The following NME9 variants were observed in gnomAD, a reference collection of about 807,000 sequenced individuals.
NME9 encodes NME/NM23 family member 9, also known as thioredoxin domain-containing protein 6.
A neutral mutation model predicts 44.4 loss-of-function variants in NME9; 48 were observed. The observed-to-expected ratio is 1.08, with a 90% CI of 0.86 to 1.37. NME9 has a LOEUF of 1.37. Among genes scored for constraint, NME9 ranks in the 40% most tolerant of loss-of-function variants. The pLI, the probability that NME9 is intolerant of heterozygous loss-of-function variation, is 0.00. For missense variants in NME9, 325 were observed against 405.2 expected (o/e 0.80, Z 1.70); for synonymous variants, 139 against 147.1 (o/e 0.94, Z 0.40).
At chr3:138,308,873 C>G (rs146042985) in intron 6 of NME9, among the ~76,000 whole-genome samples, 1 of 144,714 alleles carries the variant, frequency 6.9e-6, no homozygotes, top group African/African-American at 2.6e-5. Flanking sequence ...TCCAATTTAT[C>G]TAGCAACAGG....
rs555409101 is a variant in NME9, at chr3:138,315,822, TTTTG to T, written c.268-183_268-180del. ...ACACCCTCAGGTCTGCTCCTAGGTT[TTTTG>T]TTTGTTTGTTTGTTTGTTTGTTCGA... is the stretch of plus-strand genomic sequence containing the variant. On this transcript the variant is annotated intron_variant, in intron 4 of 10. Transcript: ENST00000333911. Among the ~76,000 whole-genome samples, 1,202 of 152,008 alleles carry T rather than the reference TTTTG, an allele frequency of 7.9e-3. 13 individuals are homozygous for T. Among genetic ancestry groups the T allele is most frequent in the Admixed American group, 0.036 (547 of 15,248 alleles).
intron 8 of NME9, among the ~76,000 whole-genome samples, chr3:138,278,264 T>A (rs377432860): frequency 6.6e-6 from 1 of 152,224 alleles, no homozygotes. Context: ...CCCAGCACTT[T>A]GGGAGGCTGA....
chr3:138,277,859 A>T (rs1302545469), intron 8 of NME9, among the ~76,000 whole-genome samples: 3 of 152,212 alleles, frequency 2.0e-5, no homozygotes, highest in Non-Finnish European at 4.4e-5. Context: ...CAAAAATTAG[A>T]AATTAACATC....
intron 7 of NME9, 95 bp downstream of exon 7, chr3:138,306,303 C>G: frequency 1.0e-6 from 1 of 985,426 alleles, no homozygotes; most frequent in Middle Eastern, 2.1e-4. Flanking sequence ...ATTCATCTTT[C>G]TGCACTAAGA....
rs572583061 is a variant in NME9, at chr3:138,280,307, CTTA to C, written c.746-17724_746-17722del. ...GTTTTTGGTTTCATTGATTTTCCCA[CTTA>C]TTATTATTATTATTATATATATTTT... On this transcript the variant is annotated intron_variant, in intron 8 of 8. Coordinates refer to the NME9 transcript ENST00000317876. Among the ~76,000 whole-genome samples, 4 of 150,430 alleles carry C rather than the reference CTTA, an allele frequency of 2.7e-5. No individual in the cohort carries two copies. In the East Asian group the frequency reaches 7.8e-4, roughly 30 times the overall value.
At chr3:138,315,369 A>G (rs2052997015) in intron 5 of NME9, among the ~76,000 whole-genome samples, 158 bp downstream of exon 5, 1 of 152,220 alleles carries the variant, frequency 6.6e-6, no homozygotes, top group Non-Finnish European at 1.5e-5. Flanking sequence ...CACACATATC[A>G]CCAGGGCACA....
chr3:138,304,747 T>C, intron 9 of NME9, 126 bp downstream of exon 9: 1 of 949,062 alleles, frequency 1.1e-6, no homozygotes, highest in East Asian at 2.4e-5. Flanking sequence ...AAATATATAA[T>C]AGAGAGCCTG....
chr3:138,322,129 G>C (rs2053502677), intron 2 of NME9, among the ~76,000 whole-genome samples: 1 of 152,032 alleles, frequency 6.6e-6, no homozygotes, highest in African/African-American at 2.4e-5. Context: ...AAGGGCATTC[G>C]GGTCAAGCCA....
Position 138,301,498 on chromosome 3 carries a change from C to T in NME9, c.*142G>A. On this transcript the variant is annotated 3_prime_UTR_variant, in exon 11 of 11. Coordinates refer to ENST00000333911, the MANE Select transcript of NME9 (RefSeq NM_001349018.2). ...GGGATTACAGGTGTGAGTCACTGCG[C>T]CCAGCCATATTATTTTCATTGTCTA... The T allele has an allele frequency of 7.0e-7, 1 of 1,435,020 alleles. No homozygotes were observed. The allele number at this position is 1,435,020 out of a possible 1,614,324, so 88.9% of individuals were successfully genotyped here.
At chr3:138,329,197 C>A in intron 1 of NME9, 106 bp downstream of exon 1, 1 of 1,001,702 alleles carries the variant, frequency 1.0e-6, no homozygotes, top group Admixed American at 2.2e-5. Context: ...CTGTCACGTA[C>A]TGCTGGCAAA....
rs775070414 is a variant in NME9, at chr3:138,305,605, G to C, written c.636+399C>G. On this transcript the variant is annotated intron_variant, in intron 8 of 10. Coordinates refer to ENST00000333911, the MANE Select transcript of NME9 (RefSeq NM_001349018.2). ...GCTAAGCCAAGAAGACTCCCAAGCA[G>C]GTGGGTTATCAGCAGAAGCAAATGG... Among the ~76,000 whole-genome samples, 5 of 152,258 alleles carry C rather than the reference G, an allele frequency of 3.3e-5. No homozygotes were observed. In the East Asian group the frequency reaches 9.7e-4, roughly 29 times the overall value.
At chr3:138,287,918 T>C in intron 8 of NME9, 1 of 228,048 alleles carries the variant, frequency 4.4e-6, no homozygotes, top group Non-Finnish European at 8.9e-6. Context: ...TATTGAGTCC[T>C]TTTTCATTCA....
intron 8 of NME9, among the ~76,000 whole-genome samples, chr3:138,266,295 C>T (rs78808114): frequency 0.022 from 3,275 of 152,206 alleles, 99 homozygotes; most frequent in African/African-American, 0.072. Flanking sequence ...CTCTACTCTC[C>T]AGCTACAGTA....
rs969286104 is a variant in NME9, at chr3:138,307,581, A to G, written c.461-1101T>C. ...AACAAATCTGTTATTTCTTTCTGACATTACTATTTCTAACGTGTTATGAAT... is the reference window on the plus strand; with the variant it reads ...AACAAATCTGTTATTTCTTTCTGACGTTACTATTTCTAACGTGTTATGAAT... On this transcript the variant is annotated intron_variant, in intron 6 of 10. Coordinates refer to ENST00000333911, the MANE Select transcript of NME9 (RefSeq NM_001349018.2). Among the ~76,000 whole-genome samples the G allele has an allele frequency of 2.6e-5, 4 of 152,374 alleles. No homozygotes were observed. In the East Asian group the frequency reaches 5.8e-4, roughly 22 times the overall value.
chr3:138,272,414 A>G (rs1478601317), intron 8 of NME9, among the ~76,000 whole-genome samples: 8 of 152,254 alleles, frequency 5.3e-5, no homozygotes, highest in African/African-American at 1.9e-4. Flanking sequence ...GTCTTAAGAC[A>G]TTCAAATGTC....
intron 8 of NME9, 127 bp downstream of exon 8, chr3:138,305,877 C>A (rs2052216546): frequency 2.8e-6 from 2 of 707,744 alleles, no homozygotes; most frequent in Non-Finnish European, 5.1e-6. Flanking sequence ...AAATTCATGA[C>A]CCACTTGCTG....
chr3:138,262,407 G>T, exon 9 of NME9: 1 of 1,073,102 alleles, frequency 9.3e-7, no homozygotes, highest in Non-Finnish European at 1.3e-6. Flanking sequence ...GTGGTTCCCT[G>T]TTCTTAATAG....
chr3:138,289,486 G>A (rs1577048046), intron 8 of NME9, among the ~76,000 whole-genome samples: 1 of 152,222 alleles, frequency 6.6e-6, no homozygotes, highest in Non-Finnish European at 1.5e-5. Context: ...AAGCACATAT[G>A]AGGACTACAG....
chr3:138,329,253 C>G (rs2053978063), intron 1 of NME9, 50 bp downstream of exon 1: 1 of 1,489,080 alleles, frequency 6.7e-7, no homozygotes. Context: ...TCACCCTCCT[C>G]TTCCCCGAGC....
Sources: allele counts gnomAD v4.1 joint callset (sites outside exome capture counted in the v4.1 genomes callset), GRCh38; gene constraint gnomAD v4.1.1; transcripts MANE v1.5; gene names NCBI Gene and HGNC (gene_info 2026-07-23, HGNC 2026-07-21).